ITFG1: variants seen among roughly 807,000 people sequenced by gnomAD.
ITFG1 encodes the protein integrin alpha FG-GAP repeat containing 1.
A neutral mutation model predicts 81.8 loss-of-function variants in ITFG1; 34 were observed. The observed-to-expected ratio is 0.42, with a 90% confidence interval of 0.32 to 0.55. The LOEUF is 0.55. Ranked by LOEUF, ITFG1 falls within the 20% of genes least tolerant of loss-of-function variation. ITFG1 has a pLI of 0.17. For synonymous variants in ITFG1, 285 were observed against 270.6 expected, an observed-to-expected ratio of 1.05 and a Z score of -0.52; for missense variants, 672 against 755.4, an observed-to-expected ratio of 0.89 and a Z score of 1.29.
intron 6 of ITFG1, among the ~76,000 whole-genome samples, chr16:47,427,732 T>C (rs1431737884): frequency 2.0e-5 from 3 of 152,248 alleles, no homozygotes; most frequent in African/African-American, 4.8e-5. Context: ...ACAGCACAGA[T>C]GGTTTCTCTA....
chr16:47,231,663 T>C (rs903950037), intron 13 of ITFG1, among the ~76,000 whole-genome samples: 3 of 152,212 alleles, frequency 2.0e-5, no homozygotes, highest in Non-Finnish European at 1.5e-5. Flanking sequence ...GAGGCAGGGG[T>C]ATCAACAATA....
intron 13 of ITFG1, among the ~76,000 whole-genome samples, chr16:47,223,802 C>T (rs1258383715): frequency 6.6e-6 from 1 of 152,122 alleles, no homozygotes; most frequent in African/African-American, 2.4e-5. Context: ...ATAGCAAAGA[C>T]TTGGAACCAA....
chr16:47,274,014 T>C (rs1966371333), intron 10 of ITFG1, among the ~76,000 whole-genome samples: 1 of 152,172 alleles, frequency 6.6e-6, no homozygotes, highest in Non-Finnish European at 1.5e-5. Flanking sequence ...CCCAGCACTT[T>C]GGGAGACCGA....
chr16:47,417,542 C>T (rs917203587), intron 6 of ITFG1, among the ~76,000 whole-genome samples: 4 of 152,080 alleles, frequency 2.6e-5, no homozygotes, highest in African/African-American at 9.7e-5. Flanking sequence ...CTTTTTTCAT[C>T]TCCCACTCTA....
At chr16:47,268,872 G>T (rs1335654077) in intron 10 of ITFG1, among the ~76,000 whole-genome samples, 2 of 152,134 alleles carry the variant, frequency 1.3e-5, no homozygotes, top group Admixed American at 6.5e-5. Flanking sequence ...ATAAATCAGT[G>T]TAATTCATTA....
intron 13 of ITFG1, among the ~76,000 whole-genome samples, chr16:47,225,340 A>G (rs1028954634): frequency 6.6e-6 from 1 of 152,168 alleles, no homozygotes; most frequent in Non-Finnish European, 1.5e-5. Flanking sequence ...GTCCCAGAAG[A>G]GAGGAAAGAG....
At chr16:47,333,440 T>C (rs1287181934) in intron 8 of ITFG1, among the ~76,000 whole-genome samples, 1 of 152,158 alleles carries the variant, frequency 6.6e-6, no homozygotes, top group Admixed American at 6.6e-5. Context: ...AAAAATATGG[T>C]TTTTCTCTGG....
chr16:47,409,206 C>T (rs1011408461), intron 6 of ITFG1, among the ~76,000 whole-genome samples: 2 of 149,238 alleles, frequency 1.3e-5, no homozygotes, highest in South Asian at 2.1e-4. Context: ...TTGAGTCTCT[C>T]GAGAGAAAAA....
At chr16:47,309,032 T>C (rs1596880639) in intron 10 of ITFG1, among the ~76,000 whole-genome samples, 1 of 152,098 alleles carries the variant, frequency 6.6e-6, no homozygotes, top group African/African-American at 2.4e-5. Context: ...ATTCACTCTA[T>C]GTGCTCAACA....
intron 5 of ITFG1, among the ~76,000 whole-genome samples, chr16:47,445,137 G>T (rs892795972): frequency 5.5e-5 from 8 of 146,502 alleles, no homozygotes; most frequent in African/African-American, 2.0e-4. Flanking sequence ...AGAAAAACTG[G>T]AAGTTCTATT....
At chr16:47,455,910 C>T (rs1969446934) in intron 2 of ITFG1, among the ~76,000 whole-genome samples, 1 of 151,290 alleles carries the variant, frequency 6.6e-6, no homozygotes, top group African/African-American at 2.4e-5. Context: ...AAGGATGAAC[C>T]CAGGCAGACT....
At chr16:47,359,945 T>C (rs1968088519) in intron 8 of ITFG1, among the ~76,000 whole-genome samples, 2 of 152,252 alleles carry the variant, frequency 1.3e-5, no homozygotes, top group South Asian at 4.1e-4. Flanking sequence ...AATTTAAACT[T>C]CATGAGAACA....
intron 17 of ITFG1, among the ~76,000 whole-genome samples, chr16:47,158,622 AC>A (rs1338343584): frequency 6.6e-6 from 1 of 152,144 alleles, no homozygotes; most frequent in Non-Finnish European, 1.5e-5. Context: ...TCACTTTATT[AC>A]TACCGTACTG....
intron 8 of ITFG1, among the ~76,000 whole-genome samples, chr16:47,314,355 T>C (rs1216320040): frequency 1.3e-5 from 2 of 152,064 alleles, no homozygotes; most frequent in Admixed American, 6.6e-5. Context: ...TTATACAGAG[T>C]ATTTTAAACG....
At chr16:47,181,557 G>T (rs1216476107) in intron 14 of ITFG1, among the ~76,000 whole-genome samples, 43 of 144,756 alleles carry the variant, frequency 3.0e-4, no homozygotes, top group Non-Finnish European at 2.1e-4. Flanking sequence ...GAGGTGGGGG[G>T]GGGTCAGCCC....
intron 14 of ITFG1, chr16:47,201,972 A>C (rs1965429777): frequency 6.6e-6 from 1 of 152,168 alleles, no homozygotes; most frequent in Non-Finnish European, 1.5e-5. Context: ...ACTACTTTTA[A>C]AAGGTTTTCA....
At chr16:47,373,128 T>C (rs1327877906) in intron 7 of ITFG1, among the ~76,000 whole-genome samples, 1 of 152,180 alleles carries the variant, frequency 6.6e-6, no homozygotes, top group Non-Finnish European at 1.5e-5. Flanking sequence ...TACATTTCAA[T>C]ATCTCTTTCA....
intron 8 of ITFG1, among the ~76,000 whole-genome samples, chr16:47,349,056 G>A (rs2151580491): frequency 6.6e-6 from 1 of 152,264 alleles, no homozygotes; most frequent in Non-Finnish European, 1.5e-5. Flanking sequence ...AGCTCCTGAA[G>A]GAAGCACTAA....
intron 14 of ITFG1, among the ~76,000 whole-genome samples, chr16:47,217,154 G>A (rs201220217): frequency 5.8e-5 from 8 of 137,648 alleles, no homozygotes; most frequent in Non-Finnish European, 1.3e-4. Flanking sequence ...GAAAAAAAAA[G>A]AAAAAGAAAG....
Sources: gnomAD v4.1 joint callset for allele counts (sites outside exome capture counted in the v4.1 genomes callset) on GRCh38, gnomAD v4.1.1 for gene constraint, MANE v1.5 for transcripts, NCBI Gene and HGNC (gene_info 2026-07-23, HGNC 2026-07-21) for gene names.